RAB3C: variants seen among roughly 807,000 people sequenced by gnomAD.
RAB3C encodes the protein RAB3C, member RAS oncogene family, also known as ras-related protein Rab-3C.
RAB3C carries 17 observed loss-of-function variants against 26.4 expected under a neutral mutation model. That is an observed-to-expected ratio of 0.64 (90% CI 0.44 to 0.97). RAB3C has a LOEUF of 0.97. Ranked by LOEUF, RAB3C falls within the 50% of genes least tolerant of loss-of-function variation. The pLI is 0.00. For missense variants in RAB3C, 242 were observed against 281.9 expected (o/e 0.86, Z 1.01); for synonymous variants, 91 against 95.9 (o/e 0.95, Z 0.30).
At chr5:58,684,988 T>C (rs139833906) in intron 2 of RAB3C, among the ~76,000 whole-genome samples, 2 of 152,334 alleles carry the variant, frequency 1.3e-5, no homozygotes, top group Non-Finnish European at 2.9e-5. Context: ...AATATGTTAC[T>C]GATAATATGT....
chr5:58,638,438 AT>A (rs982866875), intron 2 of RAB3C, among the ~76,000 whole-genome samples: 55 of 151,762 alleles, frequency 3.6e-4, no homozygotes, highest in Non-Finnish European at 6.9e-4. Flanking sequence ...GTCATCCTTA[AT>A]TTTTTTTATT....
chr5:58,690,248 T>A (rs1336960592), intron 2 of RAB3C, among the ~76,000 whole-genome samples: 1 of 152,170 alleles, frequency 6.6e-6, no homozygotes, highest in Non-Finnish European at 1.5e-5. Flanking sequence ...ATATTATTTT[T>A]AAAACTGAAA....
intron 2 of RAB3C, among the ~76,000 whole-genome samples, chr5:58,696,473 G>T (rs1312148640): frequency 1.3e-5 from 2 of 152,088 alleles, no homozygotes; most frequent in African/African-American, 4.8e-5. Context: ...TTTTTCTATT[G>T]ATTGGAAGTT....
rs546397294 is a variant in RAB3C at position 58,793,070 on chromosome 5, T to C, written c.372-31968T>C. Among the ~76,000 whole-genome samples the C allele has an allele frequency of 4.6e-5, 7 of 152,212 alleles. 1 individual carries two copies. Among genetic ancestry groups the C allele is most frequent in the African/African-American group, 1.7e-4 (7 of 41,554 alleles). ...ATTGCTTGTACCTGAGGGAGAACCCTGTCACAAATGGAGGGGAGTCAGCAG... is the reference window on the plus strand; with the variant it reads ...ATTGCTTGTACCTGAGGGAGAACCCCGTCACAAATGGAGGGGAGTCAGCAG... On this transcript the variant is annotated intron_variant, in intron 3 of 4. Coordinates refer to ENST00000282878, the MANE Select transcript of RAB3C (RefSeq NM_138453.4).
chr5:58,722,322 C>A (rs1347150628), intron 2 of RAB3C, among the ~76,000 whole-genome samples: 1 of 151,310 alleles, frequency 6.6e-6, no homozygotes, highest in African/African-American at 2.4e-5. Context: ...TTTTCCCCTA[C>A]TGAGAAATTA....
intron 3 of RAB3C, among the ~76,000 whole-genome samples, chr5:58,754,464 C>T (rs1177793219): frequency 6.6e-6 from 1 of 152,112 alleles, no homozygotes; most frequent in Non-Finnish European, 1.5e-5. Flanking sequence ...AGGTCAAGGT[C>T]AGCGTCATAC....
chr5:58,693,322 T>TTATATA lies in RAB3C; in HGVS notation c.253-32674_253-32669dup, dbSNP rs1554048040. ...TAATTATATAAATAAAATTAAGAAATTATATATATATGTGTATATATATAT... is the reference window on the plus strand; with the variant it reads ...TAATTATATAAATAAAATTAAGAAATTATATATATATATATATGTGTATATATATAT... On this transcript the variant is annotated intron_variant, in intron 2 of 4. Transcript: ENST00000282878. Among the ~76,000 whole-genome samples the TTATATA allele has an allele frequency of 8.6e-4, 65 of 75,160 alleles. 1 individual carries two copies. The highest frequency in any genetic ancestry group is 4.0e-3 in the African/African-American group (60 of 14,984). The allele number at this position is 75,160 out of a possible 152,430, so 49.3% of individuals were successfully genotyped here. A position where few individuals can be genotyped will look rare whatever the true frequency, so the allele number is the denominator to read the frequency against.
intron 3 of RAB3C, among the ~76,000 whole-genome samples, chr5:58,790,317 A>T (rs1234639592): frequency 6.6e-6 from 1 of 152,230 alleles, no homozygotes; most frequent in African/African-American, 2.4e-5. Flanking sequence ...TGCTATATAA[A>T]TTCATAAATA....
rs1219280308 is a variant in RAB3C at position 58,851,754 on chromosome 5, G to T, written c.*403G>T. On this transcript the variant is annotated 3_prime_UTR_variant, in exon 5 of 5. Transcript: ENST00000282878. The stretch of plus-strand genomic sequence containing the variant: ...AGGAATTGCTTGTGTGTGTGTGTGT[G>T]TGTGTGTGTGTGCACGCATGCCCGC... 1.8e-4 allele frequency: 28 copies of T among 155,914 alleles called. No individual in the cohort carries two copies. The highest frequency in any genetic ancestry group is 6.6e-4 in the African/African-American group (26 of 39,570). The allele number at this position is 155,914 out of a possible 1,614,324, so 9.7% of individuals were successfully genotyped here.
chr5:58,791,067 T>TAAA (rs3060348), intron 3 of RAB3C, among the ~76,000 whole-genome samples: 212 of 148,940 alleles, frequency 1.4e-3, no homozygotes, highest in Middle Eastern at 3.4e-3. Flanking sequence ...TTTTTGACAT[T>TAAA]AAAAAAAAAA....
rs1001237055 is a variant in RAB3C, at chr5:58,804,691, A to G, written c.372-20347A>G. 5.6e-4 allele frequency among the ~76,000 whole-genome samples: 79 copies of G among 140,952 alleles called. 1 individual carries two copies. The highest frequency in any genetic ancestry group is 4.0e-3 in the Admixed American group (59 of 14,656). 92.5% of individuals were successfully genotyped at this position (140,952 alleles called of 152,430 possible). On this transcript the variant is annotated intron_variant, in intron 3 of 4. Coordinates refer to ENST00000282878, the MANE Select transcript of RAB3C (RefSeq NM_138453.4). ...TATGTGTGTGTGTGTGTGTGTGTGT[A>G]TGTATGTATGTATCATTAAAATAAC...
intron 2 of RAB3C, among the ~76,000 whole-genome samples, chr5:58,682,885 T>C (rs1748376486): frequency 6.6e-6 from 1 of 152,176 alleles, no homozygotes; most frequent in African/African-American, 2.4e-5. Flanking sequence ...TTCCTGACAG[T>C]TTGCAAGTTT....
intron 2 of RAB3C, among the ~76,000 whole-genome samples, chr5:58,671,162 G>T (rs1748110303): frequency 1.3e-5 from 2 of 152,180 alleles, no homozygotes; most frequent in South Asian, 4.1e-4. Flanking sequence ...TTTTCCCAAA[G>T]ATAATAATAA....
chr5:58,729,659 C>A (rs565926767), intron 3 of RAB3C, among the ~76,000 whole-genome samples: 3 of 147,900 alleles, frequency 2.0e-5, no homozygotes, highest in Non-Finnish European at 3.0e-5. Flanking sequence ...ATAAAATATA[C>A]ATACACACAT....
chr5:58,803,954 G>T (rs1742874166), intron 3 of RAB3C, among the ~76,000 whole-genome samples: 1 of 151,960 alleles, frequency 6.6e-6, no homozygotes, highest in Non-Finnish European at 1.5e-5. Context: ...CAGCTACTCG[G>T]GAGGCTGAGG....
Position 58,617,699 on chromosome 5 carries a change from TG to T in RAB3C, c.82del (p.Asp28ThrfsTer42). On this transcript the variant is annotated frameshift_variant, in exon 2 of 5. Transcript: ENST00000282878. LOFTEE classifies it high-confidence loss of function. ...GQKDSSDQNF[D>X]YMFKLLIIGN... The stretch of plus-strand genomic sequence containing the variant: ...AGAAAGACTCCTCTGATCAGAACTT[TG>T]ACTACATGTTCAAATTACTCATCAT... 6.2e-7 allele frequency: 1 copy of T among 1,614,052 alleles called. No homozygotes were observed. The highest frequency in any genetic ancestry group is 2.2e-5 in the East Asian group (1 of 44,882).
At chr5:58,726,747 C>T (rs909088339) in intron 3 of RAB3C, among the ~76,000 whole-genome samples, 8 of 151,970 alleles carry the variant, frequency 5.3e-5, no homozygotes, top group Non-Finnish European at 1.2e-4. Context: ...AAAACTTTTT[C>T]TGACTCATAG....
intron 3 of RAB3C, among the ~76,000 whole-genome samples, chr5:58,765,565 C>T (rs1037614089): frequency 1.3e-5 from 2 of 151,950 alleles, no homozygotes; most frequent in African/African-American, 4.8e-5. Flanking sequence ...AATATATAAT[C>T]ACATGTGAAT....
At chr5:58,716,899 C>G (rs1200909146) in intron 2 of RAB3C, among the ~76,000 whole-genome samples, 1 of 151,022 alleles carries the variant, frequency 6.6e-6, no homozygotes, top group Non-Finnish European at 1.5e-5. Context: ...CATGTCATTA[C>G]AAATTTCTGC....
Sources: gnomAD v4.1 joint callset for allele counts (sites outside exome capture counted in the v4.1 genomes callset) on GRCh38, gnomAD v4.1.1 for gene constraint, MANE v1.5 for transcripts, NCBI Gene and HGNC (gene_info 2026-07-23, HGNC 2026-07-21) for gene names.